Variants in DSCAM observed in about 807,000 individuals in gnomAD.
The protein encoded by DSCAM is cell adhesion molecule DSCAM.
A neutral mutation model predicts 217.7 loss-of-function variants in DSCAM; 47 were observed. The ratio of observed to expected loss-of-function variants is 0.22; its 90% confidence interval spans 0.17 to 0.28. The LOEUF is 0.28. Among genes scored for constraint, DSCAM ranks in the 10% least tolerant of loss-of-function variants. DSCAM has a pLI of 1.00. For synonymous variants in DSCAM, 1,056 were observed against 1,015.3 expected (o/e 1.04, Z -0.76); for missense variants, 2,080 against 2,618.3 (o/e 0.79, Z 4.49).
intron 11 of DSCAM, among the ~76,000 whole-genome samples, chr21:40,228,182 AGT>A (rs1178154463): frequency 6.6e-6 from 1 of 152,152 alleles, no homozygotes; most frequent in Non-Finnish European, 1.5e-5. Context: ...AGGGCTTATC[AGT>A]GTCGCTGTTG....
intron 16 of DSCAM, among the ~76,000 whole-genome samples, chr21:40,158,608 G>A (rs1406369485): frequency 6.6e-6 from 1 of 152,030 alleles, no homozygotes; most frequent in Non-Finnish European, 1.5e-5. Flanking sequence ...GAGCAACACA[G>A]GCACTCCCTG....
chr21:40,647,175 C>G (rs1307145332), intron 3 of DSCAM, among the ~76,000 whole-genome samples: 4 of 152,182 alleles, frequency 2.6e-5, no homozygotes, highest in Admixed American at 2.6e-4. Flanking sequence ...GCATTCACCA[C>G]ACGCTGTTAT....
At position 40,251,635 on chromosome 21, in the gene DSCAM, G is replaced by C. The variant is rs552063729; in HGVS notation, c.2356+24462C>G. On this transcript the variant is annotated intron_variant, in intron 11 of 32. Coordinates refer to ENST00000400454, the MANE Select transcript of DSCAM (RefSeq NM_001389.5). ...CCTAAGAAACACCCTGTAGTGGGCA[G>C]ATTCCAAGATAGCCCCCAGTGATCC... 5.6e-4 allele frequency among the ~76,000 whole-genome samples: 85 copies of C among 152,244 alleles called. 1 individual carries two copies. The highest frequency in any genetic ancestry group is 2.0e-3 in the African/African-American group (83 of 41,524).
intron 9 of DSCAM, among the ~76,000 whole-genome samples, chr21:40,308,379 G>T (rs2837569): frequency 0.19 from 28,167 of 151,998 alleles, 4,992 homozygotes; most frequent in African/African-American, 0.46. Context: ...TCCTGAGATT[G>T]CGGCTGAATT....
intron 20 of DSCAM, among the ~76,000 whole-genome samples, chr21:40,113,007 T>C: frequency 6.6e-6 from 1 of 152,300 alleles, no homozygotes; most frequent in African/African-American, 2.4e-5. Flanking sequence ...GCTGGTACCA[T>C]TCCTTCTGAA....
chr21:40,108,902 G>T (rs183759178), intron 20 of DSCAM, among the ~76,000 whole-genome samples: 3 of 152,146 alleles, frequency 2.0e-5, no homozygotes, highest in African/African-American at 7.2e-5. Context: ...AATGGGGAAA[G>T]GACTCCCTAT....
At chr21:40,259,661 CTTTTTTTTTTTTT>C (rs542106779) in intron 11 of DSCAM, among the ~76,000 whole-genome samples, 18 of 59,518 alleles carry the variant, frequency 3.0e-4, no homozygotes, top group African/African-American at 4.3e-4. Flanking sequence ...GTCAGCCATT[CTTTTTTTTTTTTT>C]TTTTTTTTTT....
intron 11 of DSCAM, among the ~76,000 whole-genome samples, chr21:40,243,016 T>A (rs958838307): frequency 2.0e-5 from 3 of 152,214 alleles, no homozygotes; most frequent in African/African-American, 7.2e-5. Flanking sequence ...GACTCCCCTG[T>A]GTCTGGGGCT....
At chr21:40,273,016 C>G (rs759574409) in intron 11 of DSCAM, among the ~76,000 whole-genome samples, 6 of 152,148 alleles carry the variant, frequency 3.9e-5, no homozygotes, top group Non-Finnish European at 8.8e-5. Flanking sequence ...GAAAATACCT[C>G]CCCATGGGCC....
At chr21:40,194,753 G>A (rs1437380010) in intron 11 of DSCAM, among the ~76,000 whole-genome samples, 2 of 152,164 alleles carry the variant, frequency 1.3e-5, no homozygotes, top group Non-Finnish European at 1.5e-5. Context: ...TGGTGTAGTG[G>A]AGCTGCTGTC....
chr21:40,701,673 G>C (rs904169031), intron 2 of DSCAM, among the ~76,000 whole-genome samples: 1 of 141,028 alleles, frequency 7.1e-6, no homozygotes, highest in Non-Finnish European at 1.5e-5. Context: ...ATTTTTTTCT[G>C]AATTTTTTTT....
chr21:40,617,901 G>A (rs1376515418), intron 3 of DSCAM, among the ~76,000 whole-genome samples: 3 of 152,228 alleles, frequency 2.0e-5, no homozygotes, highest in Non-Finnish European at 4.4e-5. Context: ...ATGCCAGACA[G>A]AGGACGGGTG....
In DSCAM at chr21:40,720,613, A is replaced by G. The variant is rs4321449; in HGVS notation, c.44-11842T>C. On this transcript the variant is annotated intron_variant, in intron 1 of 32. Transcript: ENST00000400454. ...CTCTGTCCATCATAAAACAACAAAC[A>G]AAAACACAGAAACAAGAACTGGATT... is the stretch of plus-strand genomic sequence containing the variant. 2.0e-5 allele frequency among the ~76,000 whole-genome samples: 3 copies of G among 152,278 alleles called. No individual in the cohort carries two copies. The East Asian group carries it at 5.8e-4, about 29-fold the overall frequency.
chr21:40,422,313 G>T (rs969619770), intron 3 of DSCAM, among the ~76,000 whole-genome samples: 1 of 152,124 alleles, frequency 6.6e-6, no homozygotes, highest in Non-Finnish European at 1.5e-5. Context: ...TTAATTTTAT[G>T]TGCCTGGATA....
intron 1 of DSCAM, among the ~76,000 whole-genome samples, chr21:40,812,184 C>T (rs186296969): frequency 3.3e-4 from 50 of 152,244 alleles, no homozygotes; most frequent in Non-Finnish European, 6.3e-4. Context: ...AGAATTGAAT[C>T]AGAAAAATAT....
At chr21:40,446,082 T>G (rs969544869) in intron 3 of DSCAM, among the ~76,000 whole-genome samples, 2 of 152,214 alleles carry the variant, frequency 1.3e-5, no homozygotes, top group Non-Finnish European at 1.5e-5. Flanking sequence ...AGCTTTATAT[T>G]CTTACGTGGG....
At chr21:40,513,057 G>T (rs62225539) in intron 3 of DSCAM, 12,788 of 152,148 alleles carry the variant, frequency 0.084, 662 homozygotes, top group Middle Eastern at 0.16. Flanking sequence ...GTGCCACCAC[G>T]CCCTGCTAAT....
intron 25 of DSCAM, 34 bp downstream of exon 25, chr21:40,080,118 A>G (rs763223245): frequency 6.9e-7 from 1 of 1,455,162 alleles, no homozygotes; most frequent in South Asian, 1.2e-5. Context: ...GGGAAAAGAA[A>G]GGATATTAAG....
At chr21:40,712,563 T>A (rs190926887) in intron 1 of DSCAM, among the ~76,000 whole-genome samples, 47 of 151,644 alleles carry the variant, frequency 3.1e-4, no homozygotes, top group Admixed American at 1.2e-3. Flanking sequence ...TTCAATGGGC[T>A]CATAGCCCTA....
Sources: allele counts gnomAD v4.1 joint callset (sites outside exome capture counted in the v4.1 genomes callset), GRCh38; gene constraint gnomAD v4.1.1; transcripts MANE v1.5; gene names NCBI Gene and HGNC (gene_info 2026-07-23, HGNC 2026-07-21).